The following UMODL1 variants were observed in gnomAD, a reference collection of about 807,000 sequenced individuals.
UMODL1 encodes uromodulin like 1, also known as uromodulin-like 1.
UMODL1 carries 128 observed loss-of-function variants against 136.3 expected under a neutral mutation model. The ratio of observed to expected loss-of-function variants is 0.94; its 90% CI spans 0.81 to 1.09. UMODL1 has a LOEUF of 1.09. Ranked by LOEUF, UMODL1 falls within the 50% of genes least tolerant of loss-of-function variation. The pLI, the probability that UMODL1 is intolerant of heterozygous loss-of-function variation, is 0.00. For synonymous variants in UMODL1, 721 were observed against 720.0 expected (o/e 1.00, Z -0.02); for missense variants, 1,766 against 1,725.6 (o/e 1.02, Z -0.41).
chr21:42,093,617 C>A (rs1207153188), intron 6 of UMODL1: 2 of 244,796 alleles, frequency 8.2e-6, no homozygotes, highest in Non-Finnish European at 1.6e-5. Flanking sequence ...GCTCCAGGGT[C>A]AGATCTTCCC....
chr21:42,079,406 T>G (rs2066334219), intron 2 of UMODL1, among the ~76,000 whole-genome samples: 1 of 152,234 alleles, frequency 6.6e-6, no homozygotes, highest in South Asian at 2.1e-4. Flanking sequence ...GCGATGCCCT[T>G]GCAGTCAGGG....
intron 16 of UMODL1, 144 bp downstream of exon 16, chr21:42,121,368 C>A (rs1048700098): frequency 4.2e-6 from 3 of 712,972 alleles, no homozygotes; most frequent in Non-Finnish European, 6.8e-6. Flanking sequence ...TGTGGGTGCA[C>A]GTGTGTGTGT....
intron 16 of UMODL1, among the ~76,000 whole-genome samples, chr21:42,121,959 C>T (rs1336305899): frequency 6.6e-6 from 1 of 152,134 alleles, no homozygotes. Context: ...GGCGTGATCT[C>T]ACATGCAGGG....
At chr21:42,117,875 C>T (rs955672697) in intron 14 of UMODL1, among the ~76,000 whole-genome samples, 2 of 152,220 alleles carry the variant, frequency 1.3e-5, no homozygotes, top group African/African-American at 4.8e-5. Context: ...GTTTCCTTCC[C>T]GAGTTTCTTG....
chr21:42,126,295 G>T (rs769016788), intron 17 of UMODL1, 50 bp from the exon 18 acceptor site: 41 of 1,608,500 alleles, frequency 2.5e-5, no homozygotes, highest in South Asian at 5.5e-5. Flanking sequence ...AGCAGGGCGT[G>T]GGGGGCCGGC....
At chr21:42,064,381 A>C (rs942487669) in intron 1 of UMODL1, among the ~76,000 whole-genome samples, 1 of 152,136 alleles carries the variant, frequency 6.6e-6, no homozygotes, top group Non-Finnish European at 1.5e-5. Context: ...TTTGGACTTG[A>C]ACTGAAACAT....
At chr21:42,073,778 G>A (rs565644106) in intron 1 of UMODL1, among the ~76,000 whole-genome samples, 67 of 152,156 alleles carry the variant, frequency 4.4e-4, no homozygotes, top group Admixed American at 3.1e-3. Context: ...CAGTGGTTTT[G>A]TGATCATTTC....
chr21:42,124,467 C>T (rs1364018767), intron 17 of UMODL1, among the ~76,000 whole-genome samples: 3 of 152,062 alleles, frequency 2.0e-5, no homozygotes, highest in Non-Finnish European at 4.4e-5. Flanking sequence ...AAGGGCCATG[C>T]CGGGGGTGGC....
At chr21:42,075,653 A>G (rs1376670176) in intron 1 of UMODL1, among the ~76,000 whole-genome samples, 1 of 152,218 alleles carries the variant, frequency 6.6e-6, no homozygotes, top group Non-Finnish European at 1.5e-5. Context: ...GTGATCTCTA[A>G]GCATTGATTC....
intron 13 of UMODL1, 85 bp from the exon 14 acceptor site, chr21:42,115,788 T>C (rs1168940718): frequency 1.7e-6 from 2 of 1,143,992 alleles, no homozygotes; most frequent in Non-Finnish European, 2.6e-6. Context: ...TTCCTGGACA[T>C]GAAAATACAT....
At chr21:42,064,089 C>T (rs561903068) in intron 1 of UMODL1, among the ~76,000 whole-genome samples, 1 of 152,226 alleles carries the variant, frequency 6.6e-6, no homozygotes, top group Non-Finnish European at 1.5e-5. Context: ...CTGTCGAGCC[C>T]GAGGTGAATG....
At chr21:42,117,463 T>C (rs220144) in intron 14 of UMODL1, among the ~76,000 whole-genome samples, 103,253 of 152,224 alleles carry the variant, frequency 0.68, 35,140 homozygotes, top group Middle Eastern at 0.79. Flanking sequence ...TTCTCCAGGA[T>C]GCTATCTGTT....
rs561508999 is a variant in UMODL1, at chr21:42,124,359, G to A, written c.3147+1209G>A. On this transcript the variant is annotated intron_variant, in intron 17 of 22. Transcript: ENST00000408910. ...GGCGGCTTCAGAGGGAGCCCGTGCC[G>A]GCTCTGGGTTGGGGAAGTGGCCTTC... is the stretch of plus-strand genomic sequence containing the variant. Among the ~76,000 whole-genome samples the A allele has an allele frequency of 5.3e-5, 8 of 152,310 alleles. No individual in the cohort carries two copies. In the South Asian group the frequency reaches 8.3e-4, roughly 16 times the overall value.
chr21:42,088,524 G>C (rs368484916), intron 5 of UMODL1, 44 bp downstream of exon 5: 116 of 1,538,654 alleles, frequency 7.5e-5, no homozygotes, highest in Non-Finnish European at 9.9e-5. Context: ...CTGCAGGGTG[G>C]TGCCTGAACA....
intron 10 of UMODL1, 111 bp downstream of exon 10, chr21:42,109,810 T>C: frequency 8.6e-7 from 1 of 1,165,918 alleles, no homozygotes; most frequent in Non-Finnish European, 1.2e-6. Flanking sequence ...ATGGTAATGT[T>C]AGGGGCCTAC....
At chr21:42,120,241 A>C (rs1487697833) in intron 15 of UMODL1, among the ~76,000 whole-genome samples, 2 of 152,360 alleles carry the variant, frequency 1.3e-5, no homozygotes, top group African/African-American at 4.8e-5. Context: ...CTGGTGGCAG[A>C]AGGATTTGCT....
At chr21:42,072,944 T>G (rs568876982) in intron 1 of UMODL1, among the ~76,000 whole-genome samples, 2 of 152,238 alleles carry the variant, frequency 1.3e-5, no homozygotes, top group South Asian at 4.1e-4. Context: ...GGATGGCACG[T>G]GACCTCGGAT....
chr21:42,100,389 C>T (rs987386745), intron 7 of UMODL1, among the ~76,000 whole-genome samples: 6 of 152,064 alleles, frequency 3.9e-5, no homozygotes, highest in Admixed American at 1.3e-4. Flanking sequence ...TTCTGTGGCT[C>T]GGCCCTACAC....
At chr21:42,125,914 T>C (rs2067047433) in intron 17 of UMODL1, among the ~76,000 whole-genome samples, 1 of 152,198 alleles carries the variant, frequency 6.6e-6, no homozygotes, top group Non-Finnish European at 1.5e-5. Flanking sequence ...AGCCGGCAGC[T>C]CCCTCTGTGT....
Sources: gnomAD v4.1 joint callset for allele counts (sites outside exome capture counted in the v4.1 genomes callset) on GRCh38, gnomAD v4.1.1 for gene constraint, MANE v1.5 for transcripts, NCBI Gene and HGNC (gene_info 2026-07-23, HGNC 2026-07-21) for gene names.